The following GDA variants were observed in gnomAD, a reference collection of about 807,000 sequenced individuals.
The protein encoded by GDA is guanine deaminase.
In GDA, 18 loss-of-function variants were observed where a neutral mutation model predicts 59.6. The observed-to-expected ratio is 0.30, with a 90% CI of 0.21 to 0.45. The LOEUF is 0.45. Among genes scored for constraint, GDA ranks in the 20% least tolerant of loss-of-function variants. The probability of loss-of-function intolerance (pLI) is 1.00; values close to 1 mark genes in which losing one functional copy is unlikely to be tolerated. For missense variants in GDA, 427 were observed against 552.3 expected, an observed-to-expected ratio of 0.77 and a Z score of 2.27; for synonymous variants, 201 against 201.1, an observed-to-expected ratio of 1.00 and a Z score of 0.00.
intron 1 of GDA, among the ~76,000 whole-genome samples, chr9:72,167,292 A>G (rs979175130): frequency 1.3e-5 from 2 of 151,946 alleles, no homozygotes; most frequent in Non-Finnish European, 2.9e-5. Flanking sequence ...CTTCCCTGCT[A>G]TATAAACCCC....
At chr9:72,224,728 A>G (rs1211671805) in intron 7 of GDA, among the ~76,000 whole-genome samples, 2 of 151,760 alleles carry the variant, frequency 1.3e-5, no homozygotes, top group Non-Finnish European at 2.9e-5. Flanking sequence ...TGCCTTCTAT[A>G]TATTGGGTTT....
At chr9:72,232,726 A>G (rs1306487625) in intron 10 of GDA, among the ~76,000 whole-genome samples, 3 of 152,204 alleles carry the variant, frequency 2.0e-5, no homozygotes, top group African/African-American at 4.8e-5. Flanking sequence ...GTGATGGTCT[A>G]TAAAGTTCAA....
intron 11 of GDA, among the ~76,000 whole-genome samples, chr9:72,242,933 C>A (rs759654079): frequency 5.3e-5 from 8 of 152,132 alleles, no homozygotes; most frequent in Non-Finnish European, 1.0e-4. Context: ...TTTCTTTGAT[C>A]AAGTCAGCAT....
intron 1 of GDA, among the ~76,000 whole-genome samples, chr9:72,177,438 A>C (rs1343935433): frequency 6.6e-6 from 1 of 152,158 alleles, no homozygotes; most frequent in East Asian, 1.9e-4. Flanking sequence ...TAAAATTAAA[A>C]ATTTTATTTC....
At chr9:72,127,552 G>T (rs754926801) in intron 1 of GDA, among the ~76,000 whole-genome samples, 1 of 151,188 alleles carries the variant, frequency 6.6e-6, no homozygotes, top group Non-Finnish European at 1.5e-5. Context: ...CAGGAGAATC[G>T]CTTGAACCCA....
intron 7 of GDA, among the ~76,000 whole-genome samples, chr9:72,223,813 C>T: frequency 6.6e-6 from 1 of 152,104 alleles, no homozygotes; most frequent in East Asian, 1.9e-4. Context: ...ATTGAGAGTT[C>T]CCCTTCTCCC....
chr9:72,172,698 G>T (rs915795596), intron 1 of GDA, among the ~76,000 whole-genome samples: 2 of 152,208 alleles, frequency 1.3e-5, no homozygotes, highest in African/African-American at 4.8e-5. Context: ...TGGGGAATGA[G>T]ATGGAGAACA....
chr9:72,129,690 G>A (rs1564148834), intron 1 of GDA, among the ~76,000 whole-genome samples: 1 of 152,170 alleles, frequency 6.6e-6, no homozygotes, highest in African/African-American at 2.4e-5. Context: ...TGTTCACTTT[G>A]CTCACAACAG....
At chr9:72,184,904 AC>A (rs1831677220) in intron 1 of GDA, among the ~76,000 whole-genome samples, 1 of 152,240 alleles carries the variant, frequency 6.6e-6, no homozygotes, top group Non-Finnish European at 1.5e-5. Flanking sequence ...GAGCTTGGCA[AC>A]TATAGGCCAC....
downstream of GDA, chr9:72,253,480 G>A (rs1330534542): frequency 1.3e-5 from 2 of 152,104 alleles, no homozygotes; most frequent in Non-Finnish European, 2.9e-5. Flanking sequence ...ACTATCCTGA[G>A]CTTTGACAGA....
chr9:72,144,650 ATCTC>A (rs955870229), upstream of GDA, among the ~76,000 whole-genome samples: 1 of 152,212 alleles, frequency 6.6e-6, no homozygotes, highest in Non-Finnish European at 1.5e-5. Context: ...GAATTGAGCC[ATCTC>A]TCTATTGTCA....
intron 1 of GDA, among the ~76,000 whole-genome samples, chr9:72,190,347 G>A (rs556605798): frequency 2.6e-5 from 4 of 152,166 alleles, no homozygotes; most frequent in East Asian, 1.9e-4. Flanking sequence ...GGCTGGTCTC[G>A]AATTCCTGAC....
chr9:72,136,314 G>A (rs1826223827), intron 1 of GDA, among the ~76,000 whole-genome samples: 1 of 152,182 alleles, frequency 6.6e-6, no homozygotes, highest in African/African-American at 2.4e-5. Flanking sequence ...AACTGAGCCT[G>A]TGTCCTAGAT....
chr9:72,125,319 A>ACTCC (rs144585463), intron 1 of GDA, among the ~76,000 whole-genome samples: 52,956 of 125,888 alleles, frequency 0.42, 11,608 homozygotes, highest in Non-Finnish European at 0.54. Context: ...TCCTTCCTTT[A>ACTCC]CTCCCTCCCT....
chr9:72,115,013 T>A (rs1250729394), intron 1 of GDA, among the ~76,000 whole-genome samples: 1 of 152,152 alleles, frequency 6.6e-6, no homozygotes, highest in Non-Finnish European at 1.5e-5. Flanking sequence ...ACTATGGCCT[T>A]AACCCACCCT....
intron 1 of GDA, among the ~76,000 whole-genome samples, chr9:72,142,210 T>A (rs997146344): frequency 6.6e-6 from 1 of 152,206 alleles, no homozygotes; most frequent in African/African-American, 2.4e-5. Flanking sequence ...GGGAAATCTT[T>A]CATTTAACAG....
intron 1 of GDA, among the ~76,000 whole-genome samples, chr9:72,190,533 AT>A (rs752467525): frequency 2.6e-5 from 4 of 152,208 alleles, no homozygotes; most frequent in Non-Finnish European, 2.9e-5. Flanking sequence ...CGATTATGTT[AT>A]TGGTAAGTCT....
intron 1 of GDA, among the ~76,000 whole-genome samples, chr9:72,115,517 A>G (rs11143119): frequency 0.45 from 68,959 of 152,050 alleles, 17,862 homozygotes; most frequent in Non-Finnish European, 0.58. Flanking sequence ...GAGATCAGCT[A>G]TAATTAAGAA....
At chr9:72,188,554 T>A (rs1185054632) in intron 1 of GDA, among the ~76,000 whole-genome samples, 2 of 152,226 alleles carry the variant, frequency 1.3e-5, no homozygotes, top group African/African-American at 4.8e-5. Flanking sequence ...GGGGCATGGC[T>A]TCATCCACCT....
Sources: allele counts gnomAD v4.1 joint callset (sites outside exome capture counted in the v4.1 genomes callset), GRCh38; gene constraint gnomAD v4.1.1; transcripts MANE v1.5; gene names NCBI Gene and HGNC (gene_info 2026-07-23, HGNC 2026-07-21).